Variants in RBM39 observed in about 807,000 individuals in gnomAD.
RBM39 encodes RNA-binding protein 39.
A neutral mutation model predicts 79.6 loss-of-function variants in RBM39; 12 were observed. The observed-to-expected ratio is 0.15, with a 90% CI of 0.10 to 0.24. RBM39 has a LOEUF of 0.24. Among genes scored for constraint, RBM39 ranks in the 10% least tolerant of loss-of-function variants. RBM39 has a pLI of 1.00. For missense variants in RBM39, 243 were observed against 653.4 expected (o/e 0.37, Z 6.85); for synonymous variants, 185 against 208.4 (o/e 0.89, Z 0.97).
intron 13 of RBM39, 43 bp from the exon 14 acceptor site, chr20:35,707,244 G>T: frequency 1.4e-6 from 2 of 1,413,608 alleles, no homozygotes; most frequent in South Asian, 1.2e-5. Flanking sequence ...GAAAATGCAT[G>T]AAAGTATCCC....
intron 3 of RBM39, among the ~76,000 whole-genome samples, chr20:35,733,178 C>T (rs999472519): frequency 6.6e-6 from 1 of 151,860 alleles, no homozygotes; most frequent in Non-Finnish European, 1.5e-5. Flanking sequence ...TGGTGCATGC[C>T]GGTAATCACA....
chr20:35,718,959 A>C (rs775292708), intron 9 of RBM39, among the ~76,000 whole-genome samples: 1 of 152,046 alleles, frequency 6.6e-6, no homozygotes, highest in Non-Finnish European at 1.5e-5. Context: ...ACAGCGCAGG[A>C]CTCAGACTCC....
intron 8 of RBM39, among the ~76,000 whole-genome samples, chr20:35,723,902 G>A (rs2038321185): frequency 6.6e-6 from 1 of 152,206 alleles, no homozygotes; most frequent in Admixed American, 6.5e-5. Flanking sequence ...TTAGCTGGGA[G>A]TGGTGGCACG....
At position 35,732,087 on chromosome 20, in the gene RBM39, G is replaced by T. The variant is rs777356220; in HGVS notation, c.150C>A (p.Ser50Arg). Residue 50 changes from serine to arginine, a missense_variant, in exon 4 of 17, where the codon AGC (serine) becomes AGA (arginine). Transcript: ENST00000253363. ...SRSRSHERKR[S>R]KSKERKRSRD... ...TACTTCGCTTCCGTTCCTTACTTTT[G>T]CTTCTCTTTCGTTCATGACTACGAC... is the stretch of plus-strand genomic sequence containing the variant. The T allele has an allele frequency of 6.2e-7, 1 of 1,613,294 alleles. No homozygotes were observed.
At chr20:35,706,755 C>T (rs1240639893) in intron 14 of RBM39, among the ~76,000 whole-genome samples, 5 of 151,980 alleles carry the variant, frequency 3.3e-5, no homozygotes, top group South Asian at 2.1e-4. Flanking sequence ...AGGCCGGGCC[C>T]GGTGGCTCAT....
intron 3 of RBM39, chr20:35,732,343 G>A: frequency 3.5e-6 from 2 of 576,284 alleles, no homozygotes; most frequent in Non-Finnish European, 3.0e-6. Flanking sequence ...AGATCACAAG[G>A]TCAGGAGTTC....
chr20:35,739,128 T>A, intron 2 of RBM39, 111 bp from the exon 3 acceptor site: 1 of 912,050 alleles, frequency 1.1e-6, no homozygotes, highest in Non-Finnish European at 1.7e-6. Flanking sequence ...TAAAACTAAT[T>A]ATTTACTTAT....
At chr20:35,704,790 A>C in intron 15 of RBM39, 44 bp from the exon 16 acceptor site, 1 of 1,543,310 alleles carries the variant, frequency 6.5e-7, no homozygotes, top group African/African-American at 1.4e-5. Context: ...TGCTGTATGC[A>C]AAATGGACCC....
At chr20:35,723,157 G>A (rs2146614039) in intron 8 of RBM39, among the ~76,000 whole-genome samples, 1 of 151,386 alleles carries the variant, frequency 6.6e-6, no homozygotes, top group East Asian at 1.9e-4. Flanking sequence ...AGGTGTATAT[G>A]CCATAACATA....
Position 35,704,251 on chromosome 20 carries a change from AT to A in RBM39, c.*229del. On this transcript the variant is annotated 3_prime_UTR_variant, in exon 17 of 17. Coordinates refer to ENST00000253363, the MANE Select transcript of RBM39 (RefSeq NM_184234.3). Reference sequence around the variant, plus strand: ...TAGTTCATTAATTTTCTACATGAACATTTTAAAAGGCAGAACAAGAGAACAG... The same window carrying A: ...TAGTTCATTAATTTTCTACATGAACATTTAAAAGGCAGAACAAGAGAACAG... The A allele has an allele frequency of 2.9e-6, 1 of 345,030 alleles. No individual in the cohort carries two copies. Among genetic ancestry groups the A allele is most frequent in the Non-Finnish European group, 5.3e-6 (1 of 187,296 alleles). 21.4% of individuals were successfully genotyped at this position (345,030 alleles called of 1,614,324 possible).
intron 11 of RBM39, 112 bp downstream of exon 11, chr20:35,714,073 G>A (rs983838033): frequency 1.1e-5 from 11 of 1,040,830 alleles, no homozygotes; most frequent in South Asian, 6.3e-5. Context: ...CAAGGATAAC[G>A]CCAACTACAA....
intron 4 of RBM39, among the ~76,000 whole-genome samples, chr20:35,730,702 C>T (rs951157229): frequency 6.6e-6 from 1 of 151,920 alleles, no homozygotes; most frequent in Admixed American, 6.6e-5. Flanking sequence ...TTCCTTTCCC[C>T]TTATTTAGTT....
rs191924557 is a variant in RBM39, at chr20:35,737,771, C to T, written c.101+1197G>A. On this transcript the variant is annotated intron_variant, in intron 3 of 16. Transcript: ENST00000253363. Reference sequence around the variant, plus strand: ...GGCTGAGGCAGGAGAATAGCATGAACCCAGGAGGCGGAGCTTGCAGTGAGC... The same window carrying T: ...GGCTGAGGCAGGAGAATAGCATGAATCCAGGAGGCGGAGCTTGCAGTGAGC... Among the ~76,000 whole-genome samples the T allele has an allele frequency of 9.9e-4, 147 of 148,096 alleles. No individual in the cohort carries two copies. The South Asian group carries it at 0.011, about 11-fold the overall frequency.
intron 3 of RBM39, chr20:35,734,952 G>A (rs769939789): frequency 3.7e-5 from 60 of 1,604,014 alleles, no homozygotes; most frequent in Non-Finnish European, 4.4e-5. Context: ...GAACATCACT[G>A]AAGTAAATGG....
intron 6 of RBM39, among the ~76,000 whole-genome samples, 166 bp from the exon 7 acceptor site, chr20:35,725,321 C>T (rs1404229743): frequency 6.6e-6 from 1 of 152,118 alleles, no homozygotes; most frequent in South Asian, 2.1e-4. Context: ...GTACCTGTCA[C>T]CTGAGCAGTA....
At chr20:35,710,410 T>C (rs942981500) in intron 12 of RBM39, 20 of 152,114 alleles carry the variant, frequency 1.3e-4, no homozygotes, top group African/African-American at 4.8e-4. Flanking sequence ...ACAGAATTTG[T>C]CTTTTTTTTC....
chr20:35,707,292 A>T (rs930831290), intron 13 of RBM39, 91 bp from the exon 14 acceptor site: 1 of 729,194 alleles, frequency 1.4e-6, no homozygotes, highest in South Asian at 2.1e-5. Context: ...AACCCACCCC[A>T]AGCATGTAAC....
intron 6 of RBM39, 36 bp from the exon 7 acceptor site, chr20:35,725,191 A>C (rs776942704): frequency 5.6e-5 from 72 of 1,277,076 alleles, no homozygotes; most frequent in Non-Finnish European, 7.4e-5. Context: ...TAATTTCATA[A>C]CAGATTTTAA....
chr20:35,723,120 C>T (rs1555896933), intron 8 of RBM39, among the ~76,000 whole-genome samples: 1 of 151,862 alleles, frequency 6.6e-6, no homozygotes, highest in Non-Finnish European at 1.5e-5. Flanking sequence ...ATTGGTATAA[C>T]CGAACGTAGT....
Sources: gnomAD v4.1 joint callset for allele counts (sites outside exome capture counted in the v4.1 genomes callset) on GRCh38, gnomAD v4.1.1 for gene constraint, MANE v1.5 for transcripts, NCBI Gene and HGNC (gene_info 2026-07-23, HGNC 2026-07-21) for gene names.